UBTD2: variants seen among roughly 807,000 people sequenced by gnomAD.
The protein encoded by UBTD2 is ubiquitin domain-containing protein 2.
UBTD2 carries 9 observed loss-of-function variants against 19.8 expected under a neutral mutation model. The ratio of observed to expected loss-of-function variants is 0.46; its 90% CI spans 0.27 to 0.79. UBTD2 has a LOEUF of 0.79. UBTD2 is among the 30% of genes least tolerant of loss of function. UBTD2 has a pLI of 0.14. For missense variants in UBTD2, 250 were observed against 300.4 expected (o/e 0.83, Z 1.24); for synonymous variants, 98 against 103.9 (o/e 0.94, Z 0.35).
chr5:172,234,955 G>A (rs574715510), intron 1 of UBTD2, among the ~76,000 whole-genome samples: 28 of 145,394 alleles, frequency 1.9e-4, no homozygotes, highest in African/African-American at 6.9e-4. Flanking sequence ...TAGTTGTAAT[G>A]AATGTACCAC....
chr5:172,216,626 G>T (rs1397280085), intron 2 of UBTD2, among the ~76,000 whole-genome samples: 1 of 138,034 alleles, frequency 7.2e-6, no homozygotes, highest in Non-Finnish European at 1.6e-5. Flanking sequence ...AAAAGCCAGA[G>T]GGGGGAAAAA....
At chr5:172,240,077 T>C (rs953754934) in intron 1 of UBTD2, among the ~76,000 whole-genome samples, 2 of 152,216 alleles carry the variant, frequency 1.3e-5, no homozygotes, top group African/African-American at 4.8e-5. Flanking sequence ...GATCCATCCA[T>C]GGGCTTCACT....
At chr5:172,263,851 C>CTGTGTGTGTGTG (rs111856574) in intron 1 of UBTD2, among the ~76,000 whole-genome samples, 2,240 of 142,240 alleles carry the variant, frequency 0.016, 44 homozygotes, top group African/African-American at 0.039. Flanking sequence ...GCACGTGCCT[C>CTGTGTGTGTGTG]TGTGTGTGTG....
chr5:172,214,031 C>T (rs1217076199), intron 2 of UBTD2, among the ~76,000 whole-genome samples: 1 of 152,176 alleles, frequency 6.6e-6, no homozygotes, highest in African/African-American at 2.4e-5. Context: ...GTGATCTGCT[C>T]GCCTTGGCCT....
intron 2 of UBTD2, among the ~76,000 whole-genome samples, chr5:172,230,193 G>C (rs1771861853): frequency 6.6e-6 from 1 of 152,156 alleles, no homozygotes; most frequent in South Asian, 2.1e-4. Flanking sequence ...GTTATGACAA[G>C]TTCCCTCTTA....
At chr5:172,217,855 G>C (rs1771575813) in intron 2 of UBTD2, among the ~76,000 whole-genome samples, 1 of 152,158 alleles carries the variant, frequency 6.6e-6, no homozygotes, top group African/African-American at 2.4e-5. Context: ...AGAACTGACA[G>C]AACTACAAGG....
At chr5:172,268,685 G>A (rs1755424742) in intron 1 of UBTD2, among the ~76,000 whole-genome samples, 1 of 152,100 alleles carries the variant, frequency 6.6e-6, no homozygotes, top group East Asian at 1.9e-4. Flanking sequence ...GGAGGCAACG[G>A]TTGCAGTGAG....
chr5:172,235,848 TAAG>T (rs1055303728), intron 1 of UBTD2, among the ~76,000 whole-genome samples: 6 of 152,098 alleles, frequency 3.9e-5, no homozygotes, highest in African/African-American at 1.4e-4. Context: ...GATGAAAAGA[TAAG>T]AAGAGTGTTG....
At chr5:172,262,777 T>C (rs557609049) in intron 1 of UBTD2, among the ~76,000 whole-genome samples, 3 of 151,842 alleles carry the variant, frequency 2.0e-5, no homozygotes, top group Non-Finnish European at 4.4e-5. Flanking sequence ...ATCACGCCAC[T>C]GCCCTCCAGC....
At chr5:172,266,366 T>C (rs1005669756) in intron 1 of UBTD2, among the ~76,000 whole-genome samples, 2 of 152,244 alleles carry the variant, frequency 1.3e-5, no homozygotes, top group Admixed American at 6.5e-5. Context: ...TAATCCATTC[T>C]TCATAAGCAA....
intron 1 of UBTD2, among the ~76,000 whole-genome samples, chr5:172,262,710 G>A (rs1423579507): frequency 6.6e-6 from 1 of 151,992 alleles, no homozygotes; most frequent in Non-Finnish European, 1.5e-5. Flanking sequence ...AGCTACTTGG[G>A]AGGCTGAGGT....
At chr5:172,260,840 T>C (rs984329631) in intron 1 of UBTD2, among the ~76,000 whole-genome samples, 5 of 152,180 alleles carry the variant, frequency 3.3e-5, no homozygotes, top group African/African-American at 1.2e-4. Context: ...ATTATGAGAA[T>C]TTAAAGAGAA....
At chr5:172,278,607 T>A (rs531101320) in intron 1 of UBTD2, among the ~76,000 whole-genome samples, 1 of 151,652 alleles carries the variant, frequency 6.6e-6, no homozygotes, top group Admixed American at 6.6e-5. Context: ...TACAACAGGA[T>A]GAACACGGGA....
At chr5:172,215,317 A>C (rs1771520336) in intron 2 of UBTD2, among the ~76,000 whole-genome samples, 1 of 152,174 alleles carries the variant, frequency 6.6e-6, no homozygotes, top group South Asian at 2.1e-4. Context: ...GAAGAAACTA[A>C]CTAGAGTCTA....
At chr5:172,262,120 T>C (rs985041421) in intron 1 of UBTD2, among the ~76,000 whole-genome samples, 1 of 152,126 alleles carries the variant, frequency 6.6e-6, no homozygotes, top group Non-Finnish European at 1.5e-5. Flanking sequence ...AATATTAACA[T>C]CAGTCTTCAT....
chr5:172,278,064 T>A lies in UBTD2; in HGVS notation c.70+5532A>T, dbSNP rs888379700. ...GGTGAAAAGAGAGAAACTGGAACCA[T>A]CATACACTGCTGGTAAGAATAAGTG... On this transcript the variant is annotated intron_variant, in intron 1 of 2. Transcript: ENST00000393792. Among the ~76,000 whole-genome samples, 7 of 152,114 alleles carry A rather than the reference T, an allele frequency of 4.6e-5. No individual in the cohort carries two copies. The East Asian group carries it at 7.7e-4, about 17-fold the overall frequency.
chr5:172,211,562 G>C lies in UBTD2; in HGVS notation c.*268C>G, dbSNP rs1167937958. 13 of 350,264 alleles carry C rather than the reference G, an allele frequency of 3.7e-5. No homozygotes were observed. Among genetic ancestry groups the C allele is most frequent in the Non-Finnish European group, 6.7e-5 (13 of 194,386 alleles). 21.7% of individuals were successfully genotyped at this position (350,264 alleles called of 1,614,324 possible). On this transcript the variant is annotated 3_prime_UTR_variant, in exon 3 of 3. Transcript: ENST00000393792. ...TATAGCCATTACATAGTTGTTGAGTGTTCTAAAATAAATGGTTATCTATTT... is the reference window on the plus strand; with the variant it reads ...TATAGCCATTACATAGTTGTTGAGTCTTCTAAAATAAATGGTTATCTATTT...
intron 2 of UBTD2, among the ~76,000 whole-genome samples, chr5:172,226,188 T>G (rs140207749): frequency 2.0e-5 from 3 of 152,250 alleles, no homozygotes; most frequent in Admixed American, 6.5e-5. Context: ...AGTTGGAAAT[T>G]GCTAGAAAGA....
At chr5:172,281,634 AT>A (rs147387390) in intron 1 of UBTD2, among the ~76,000 whole-genome samples, 3 of 151,780 alleles carry the variant, frequency 2.0e-5, no homozygotes, top group Non-Finnish European at 2.9e-5. Context: ...TTAAGCAATA[AT>A]TTTTTTTATA....
Sources: allele counts gnomAD v4.1 joint callset (sites outside exome capture counted in the v4.1 genomes callset), GRCh38; gene constraint gnomAD v4.1.1; transcripts MANE v1.5; gene names NCBI Gene and HGNC (gene_info 2026-07-23, HGNC 2026-07-21).